The following EGF variants were observed in gnomAD, a reference collection of about 807,000 sequenced individuals.
The protein encoded by EGF is pro-epidermal growth factor.
EGF carries 95 observed loss-of-function variants against 143.8 expected under a neutral mutation model. That is an observed-to-expected ratio of 0.66 (90% CI 0.56 to 0.78). The LOEUF is 0.78. Among genes scored for constraint, EGF ranks in the 30% least tolerant of loss-of-function variants. EGF has a pLI of 0.00. For missense variants in EGF, 1,320 were observed against 1,470.9 expected, an observed-to-expected ratio of 0.90 and a Z score of 1.68; for synonymous variants, 510 against 510.5, an observed-to-expected ratio of 1.00 and a Z score of 0.01.
chr4:109,976,676 A>T (rs780368157), intron 13 of EGF, among the ~76,000 whole-genome samples: 1 of 152,204 alleles, frequency 6.6e-6, no homozygotes, highest in Non-Finnish European at 1.5e-5. Flanking sequence ...ATATATTTTC[A>T]TAAATATCTT....
At chr4:109,939,817 A>G (rs1312000184) in intron 1 of EGF, among the ~76,000 whole-genome samples, 2 of 152,232 alleles carry the variant, frequency 1.3e-5, no homozygotes, top group Non-Finnish European at 2.9e-5. Context: ...TTATTAAGTC[A>G]TATTAAAGTA....
rs1560691570 is a variant in EGF, at chr4:109,959,371, C to CTA, written c.1001_1002insAT (p.Gln335SerfsTer14). On this transcript the variant is annotated frameshift_variant, in exon 6 of 24. Transcript: ENST00000265171. LOFTEE classifies it high-confidence loss of function. ...CAGCAGCACTGTGTGTGGGCAAGAC[C>CTA]TCCAGTCACACTTGTGCATGTGTGC... 6.2e-7 allele frequency: 1 copy of CTA among 1,613,454 alleles called. No individual in the cohort carries two copies. Among genetic ancestry groups the CTA allele is most frequent in the Non-Finnish European group, 8.5e-7 (1 of 1,179,944 alleles).
At chr4:109,983,251 G>T (rs1418536126) in intron 15 of EGF, among the ~76,000 whole-genome samples, 171 bp from the exon 16 acceptor site, 1 of 152,158 alleles carries the variant, frequency 6.6e-6, no homozygotes, top group Non-Finnish European at 1.5e-5. Flanking sequence ...GTGTGGGATA[G>T]CAGGGTGAGG....
intron 1 of EGF, among the ~76,000 whole-genome samples, chr4:109,931,653 A>AAAAAAAG (rs1234312026): frequency 3.9e-5 from 6 of 152,314 alleles, no homozygotes; most frequent in East Asian, 3.9e-4. Context: ...TGCCTGGTCA[A>AAAAAAAG]AAAAAAGAAA....
intron 1 of EGF, among the ~76,000 whole-genome samples, chr4:109,928,536 T>G (rs2125964950): frequency 6.6e-6 from 1 of 152,288 alleles, no homozygotes; most frequent in African/African-American, 2.4e-5. Context: ...TGCCAGACTC[T>G]TAGTTAATTC....
chr4:109,942,775 G>T (rs918684827), intron 2 of EGF, among the ~76,000 whole-genome samples: 5 of 152,168 alleles, frequency 3.3e-5, no homozygotes, highest in Admixed American at 6.5e-5. Flanking sequence ...ATTGGAGGAG[G>T]AGGGCCAGAA....
chr4:109,989,926 C>T (rs1397165354), intron 18 of EGF, among the ~76,000 whole-genome samples: 2 of 152,074 alleles, frequency 1.3e-5, no homozygotes, highest in African/African-American at 4.8e-5. Context: ...CTCACTCTTA[C>T]TCTCTCTCCC....
At chr4:109,975,102 T>C (rs1045089570) in intron 12 of EGF, among the ~76,000 whole-genome samples, 1 of 152,216 alleles carries the variant, frequency 6.6e-6, no homozygotes, top group African/African-American at 2.4e-5. Flanking sequence ...TGCATTGTTG[T>C]TTACTGAGCA....
At chr4:109,983,214 C>T (rs1749645691) in intron 15 of EGF, among the ~76,000 whole-genome samples, 1 of 152,134 alleles carries the variant, frequency 6.6e-6, no homozygotes, top group African/African-American at 2.4e-5. Context: ...TCCCCCGAAT[C>T]ATTAAGTGCT....
chr4:109,982,619 T>A lies in EGF; in HGVS notation c.2372-803T>A, dbSNP rs539698148. On this transcript the variant is annotated intron_variant, in intron 15 of 23. Coordinates refer to ENST00000265171, the MANE Select transcript of EGF (RefSeq NM_001963.6). ...CTGGGATTACAGACATGAGCCACCG[T>A]GCCCGGCCTTTTTTCTTTTCTTTTC... Among the ~76,000 whole-genome samples the A allele has an allele frequency of 2.0e-5, 3 of 152,040 alleles. No individual in the cohort carries two copies. The South Asian group carries it at 6.2e-4, about 32-fold the overall frequency.
At chr4:109,977,092 T>C (rs1203940265) in intron 13 of EGF, among the ~76,000 whole-genome samples, 1 of 152,074 alleles carries the variant, frequency 6.6e-6, no homozygotes, top group Non-Finnish European at 1.5e-5. Context: ...CATTTAAAAA[T>C]GGAATGAAGG....
chr4:110,007,630 G>A (rs909016497), intron 22 of EGF, among the ~76,000 whole-genome samples: 20 of 152,030 alleles, frequency 1.3e-4, no homozygotes, highest in African/African-American at 4.8e-4. Flanking sequence ...AAAATTCTAG[G>A]TCCCTAGGCT....
At chr4:109,984,057 T>C (rs533313399) in intron 16 of EGF, among the ~76,000 whole-genome samples, 31 of 152,328 alleles carry the variant, frequency 2.0e-4, no homozygotes, top group Admixed American at 7.8e-4. Flanking sequence ...TTTAGGGAAC[T>C]TAAGTCTTTC....
chr4:110,011,234 C>T lies in EGF; in HGVS notation c.3403C>T (p.Pro1135Ser), dbSNP rs780451968. Residue 1135 changes from proline to serine, a missense_variant, in exon 24 of 24, where the codon CCC becomes TCC. Pro to Ser is a moderately conservative substitution (Grantham distance 74). This residue lies in a region of EGF where 1,186 missense variants were observed against 1,313.7 expected (regional missense o/e 0.90). Coordinates refer to ENST00000265171, the MANE Select transcript of EGF (RefSeq NM_001963.6). Reference protein sequence around the residue: ...SMQPTSWRQEPQLCGMGTEQG... With the variant: ...SMQPTSWRQESQLCGMGTEQG... The stretch of plus-strand genomic sequence containing the variant: ...GCAACCAACTTCATGGAGGCAGGAG[C>T]CCCAGTTATGTGGAATGGGCACAGA... 2.3e-5 allele frequency: 37 copies of T among 1,610,028 alleles called. No homozygotes were observed. Among genetic ancestry groups the T allele is most frequent in the Non-Finnish European group, 3.1e-5 (36 of 1,179,952 alleles).
At chr4:110,002,843 T>A (rs1375698563) in intron 21 of EGF, among the ~76,000 whole-genome samples, 1 of 152,150 alleles carries the variant, frequency 6.6e-6, no homozygotes, top group African/African-American at 2.4e-5. Flanking sequence ...GCCCCCAGTG[T>A]CTGTTGTTCC....
chr4:109,990,918 CT>C (rs1750842235), intron 18 of EGF, among the ~76,000 whole-genome samples: 1 of 152,182 alleles, frequency 6.6e-6, no homozygotes, highest in Non-Finnish European at 1.5e-5. Flanking sequence ...TTACTTTCCT[CT>C]TGGTAGATGC....
intron 10 of EGF, among the ~76,000 whole-genome samples, chr4:109,967,399 T>G (rs1320751546): frequency 1.3e-5 from 2 of 152,242 alleles, no homozygotes; most frequent in East Asian, 3.8e-4. Context: ...CATTGGTTTA[T>G]GTGTCTGTTT....
intron 1 of EGF, among the ~76,000 whole-genome samples, chr4:109,930,743 T>C (rs911257379): frequency 4.6e-5 from 7 of 152,176 alleles, no homozygotes; most frequent in South Asian, 2.1e-4. Context: ...AAGGGGTGTG[T>C]GTTATAAAAT....
intron 16 of EGF, among the ~76,000 whole-genome samples, chr4:109,987,344 C>T (rs1406668724): frequency 6.6e-6 from 1 of 151,910 alleles, no homozygotes; most frequent in Non-Finnish European, 1.5e-5. Context: ...CACTTTGTCA[C>T]CCAGGCTGGA....
Sources: allele counts gnomAD v4.1 joint callset (sites outside exome capture counted in the v4.1 genomes callset), GRCh38; gene constraint gnomAD v4.1.1; regional missense constraint gnomAD v4.1.1; transcripts MANE v1.5; gene names NCBI Gene and HGNC (gene_info 2026-07-23, HGNC 2026-07-21).